The following KLF12 variants were observed in gnomAD, a reference collection of about 807,000 sequenced individuals.
KLF12 encodes the protein KLF transcription factor 12, also known as Krueppel-like factor 12.
A neutral mutation model predicts 37.8 loss-of-function variants in KLF12; 9 were observed. That is an observed-to-expected ratio of 0.24 (90% CI 0.14 to 0.42). The LOEUF is 0.42. Among genes scored for constraint, KLF12 ranks in the 10% least tolerant of loss-of-function variants. The probability of loss-of-function intolerance (pLI) is 1.00; values close to 1 mark genes in which losing one functional copy is unlikely to be tolerated. For synonymous variants in KLF12, 208 were observed against 202.1 expected, an observed-to-expected ratio of 1.03 and a Z score of -0.25; for missense variants, 411 against 516.0, an observed-to-expected ratio of 0.80 and a Z score of 1.97.
intron 2 of KLF12, among the ~76,000 whole-genome samples, chr13:73,950,991 G>A (rs748647526): frequency 1.3e-5 from 2 of 152,170 alleles, no homozygotes; most frequent in Non-Finnish European, 2.9e-5. Flanking sequence ...CTCCTTCCCT[G>A]GGCACATGCT....
At position 74,088,470 on chromosome 13, in the gene KLF12, C is replaced by T. The variant is rs772927126; in HGVS notation, c.-32+45269G>A. 6.1e-4 allele frequency among the ~76,000 whole-genome samples: 93 copies of T among 152,094 alleles called. 1 individual carries two copies. Among genetic ancestry groups the T allele is most frequent in the African/African-American group, 1.9e-3 (79 of 41,406 alleles). On this transcript the variant is annotated intron_variant, in intron 1 of 7. Transcript: ENST00000377669. The stretch of plus-strand genomic sequence containing the variant: ...CTCAAACTACTGATCTTAAGCGATC[C>T]GCCCACCACAGCTTCCCAAAGTGCT...
At chr13:74,021,651 G>T (rs1360938367) in intron 1 of KLF12, among the ~76,000 whole-genome samples, 1 of 152,126 alleles carries the variant, frequency 6.6e-6, no homozygotes, top group Non-Finnish European at 1.5e-5. Context: ...TTACATCAAG[G>T]AAGTCAGCAA....
intron 1 of KLF12, among the ~76,000 whole-genome samples, chr13:74,085,578 T>C (rs903870664): frequency 1.8e-4 from 27 of 152,180 alleles, no homozygotes; most frequent in African/African-American, 6.5e-4. Context: ...GACCTAAAAA[T>C]TTTTCTAAAG....
At chr13:74,252,671 G>A in the KLF12 span, among the ~76,000 whole-genome samples, 1 of 152,168 alleles carries the variant, frequency 6.6e-6, no homozygotes. Context: ...CCTTAATCAT[G>A]ATTATATAAG....
At chr13:73,964,709 G>A (rs982927251) in intron 2 of KLF12, among the ~76,000 whole-genome samples, 4 of 152,054 alleles carry the variant, frequency 2.6e-5, no homozygotes, top group Non-Finnish European at 5.9e-5. Context: ...AGCTGGACAT[G>A]GTGGCTCATG....
the KLF12 span, among the ~76,000 whole-genome samples, chr13:74,237,704 A>G: frequency 6.6e-6 from 1 of 152,056 alleles, no homozygotes; most frequent in Non-Finnish European, 1.5e-5. Context: ...CTTTGAAGCA[A>G]TTGTGAATGG....
chr13:73,763,348 C>T (rs550090657), intron 6 of KLF12, among the ~76,000 whole-genome samples: 1 of 152,134 alleles, frequency 6.6e-6, no homozygotes, highest in Non-Finnish European at 1.5e-5. Context: ...GACAGGTAGG[C>T]CCTTGAGGAT....
At chr13:74,102,161 T>C (rs1303085138) in intron 1 of KLF12, among the ~76,000 whole-genome samples, 3 of 148,314 alleles carry the variant, frequency 2.0e-5, no homozygotes, top group Non-Finnish European at 3.0e-5. Flanking sequence ...GAGGTAGCAG[T>C]GAGCCAAGAT....
intron 1 of KLF12, among the ~76,000 whole-genome samples, chr13:74,127,435 G>A (rs372850376): frequency 7.0e-4 from 106 of 152,302 alleles, no homozygotes; most frequent in Middle Eastern, 3.4e-3. Flanking sequence ...TGTGGGGCCC[G>A]AGAATACCAA....
At chr13:74,218,728 A>G in the KLF12 span, among the ~76,000 whole-genome samples, 1 of 152,346 alleles carries the variant, frequency 6.6e-6, no homozygotes. Flanking sequence ...TAACCAAATG[A>G]GATAACGAGT....
chr13:74,049,520 G>C (rs891349473), intron 1 of KLF12, among the ~76,000 whole-genome samples: 1 of 151,780 alleles, frequency 6.6e-6, no homozygotes, highest in African/African-American at 2.4e-5. Flanking sequence ...CCAAATAAGA[G>C]GACGTCATTA....
chr13:73,703,977 A>G (rs1447193403), intron 7 of KLF12, among the ~76,000 whole-genome samples: 2 of 152,228 alleles, frequency 1.3e-5, no homozygotes, highest in Non-Finnish European at 2.9e-5. Flanking sequence ...AGTGAACTTT[A>G]GTGTAAGTAA....
chr13:74,039,498 C>T (rs965513226), intron 1 of KLF12, among the ~76,000 whole-genome samples: 1 of 151,892 alleles, frequency 6.6e-6, no homozygotes, highest in African/African-American at 2.4e-5. Flanking sequence ...CCACCATACT[C>T]CAGCCTGGGC....
chr13:74,056,111 A>G (rs959769108), intron 1 of KLF12, among the ~76,000 whole-genome samples: 5 of 152,124 alleles, frequency 3.3e-5, no homozygotes, highest in African/African-American at 1.2e-4. Context: ...GCTCCCAACC[A>G]CAAATGTTTT....
chr13:74,100,700 GTGTA>G (rs1876288802), intron 1 of KLF12, among the ~76,000 whole-genome samples: 2 of 152,040 alleles, frequency 1.3e-5, no homozygotes. Context: ...ACTGCTATAA[GTGTA>G]TGTATTTATG....
chr13:73,996,124 C>A (rs1201223076), intron 1 of KLF12, among the ~76,000 whole-genome samples: 1 of 152,090 alleles, frequency 6.6e-6, no homozygotes, highest in African/African-American at 2.4e-5. Flanking sequence ...AGGAAACTGG[C>A]CTTTAATTTT....
At chr13:74,105,810 T>C (rs976260180) in intron 1 of KLF12, among the ~76,000 whole-genome samples, 6 of 152,224 alleles carry the variant, frequency 3.9e-5, no homozygotes, top group Non-Finnish European at 7.3e-5. Context: ...CTATGCCTAA[T>C]TCTCTCCAAA....
At chr13:73,920,633 C>A (rs943814545) in intron 3 of KLF12, among the ~76,000 whole-genome samples, 2 of 152,088 alleles carry the variant, frequency 1.3e-5, no homozygotes, top group South Asian at 2.1e-4. Flanking sequence ...TCCCTAGGCA[C>A]CCTTTCAAAG....
intron 1 of KLF12, among the ~76,000 whole-genome samples, chr13:74,112,571 C>T (rs1877045607): frequency 6.6e-6 from 1 of 151,984 alleles, no homozygotes; most frequent in Non-Finnish European, 1.5e-5. Flanking sequence ...GTATTGGTGA[C>T]CTGTGATCTT....
Sources: allele counts gnomAD v4.1 joint callset (sites outside exome capture counted in the v4.1 genomes callset), GRCh38; gene constraint gnomAD v4.1.1; transcripts MANE v1.5; gene names NCBI Gene and HGNC (gene_info 2026-07-23, HGNC 2026-07-21).